Variants in HNF4A observed in about 807,000 individuals in gnomAD.
HNF4A encodes hepatocyte nuclear factor 4 alpha, also known as hepatocyte nuclear factor 4-alpha.
A neutral mutation model predicts 52.4 loss-of-function variants in HNF4A; 15 were observed. That is an observed-to-expected ratio of 0.29 (90% CI 0.19 to 0.44). The LOEUF is 0.44. Among genes scored for constraint, HNF4A ranks in the 20% least tolerant of loss-of-function variants. HNF4A has a pLI of 1.00. For missense variants in HNF4A, 479 were observed against 647.2 expected (o/e 0.74, Z 2.82); for synonymous variants, 280 against 264.4 (o/e 1.06, Z -0.57).
At chr20:44,414,693 TG>T in intron 5 of HNF4A, 31 bp downstream of exon 5, 1 of 1,577,028 alleles carries the variant, frequency 6.3e-7, no homozygotes, top group Non-Finnish European at 8.6e-7. Context: ...TGGGCAGTAG[TG>T]GGCAGTGGGC....
intron 7 of HNF4A, among the ~76,000 whole-genome samples, 157 bp from the exon 8 acceptor site, chr20:44,423,861 T>C (rs2063780627): frequency 6.6e-6 from 1 of 152,220 alleles, no homozygotes; most frequent in African/African-American, 2.4e-5. Context: ...TCATAATTCA[T>C]GCTGGCGTAC....
chr20:44,398,335 G>A (rs1000341566), upstream of HNF4A, among the ~76,000 whole-genome samples: 2 of 152,338 alleles, frequency 1.3e-5, no homozygotes, highest in South Asian at 2.1e-4. Context: ...GCAAGGACAC[G>A]TCTCCAGTTA....
At chr20:44,415,705 G>A (rs941286641) in intron 5 of HNF4A, among the ~76,000 whole-genome samples, 1 of 152,174 alleles carries the variant, frequency 6.6e-6, no homozygotes, top group Admixed American at 6.5e-5. Context: ...CAGAGGCCGA[G>A]GCTTCTCAAA....
chr20:44,428,321 T>G lies in HNF4A; in HGVS notation c.1130-14T>G, dbSNP rs762983514. 1 of 1,613,760 alleles carries G rather than the reference T, an allele frequency of 6.2e-7. No homozygotes were observed. Among genetic ancestry groups the G allele is most frequent in the South Asian group, 1.1e-5 (1 of 91,066 alleles). On this transcript the variant is annotated splice_polypyrimidine_tract_variant and intron_variant, in intron 8 of 9. Coordinates refer to ENST00000316099, the MANE Select transcript of HNF4A (RefSeq NM_000457.6). ...CCCAGACTCTCCATCCTGATCGACCTTCTCTACCTGCAGGGTCCCCCAGCG... is the reference window on the plus strand; with the variant it reads ...CCCAGACTCTCCATCCTGATCGACCGTCTCTACCTGCAGGGTCCCCCAGCG...
chr20:44,401,556 T>C, intron 1 of HNF4A: 3 of 1,583,600 alleles, frequency 1.9e-6, no homozygotes, highest in Non-Finnish European at 2.6e-6. Flanking sequence ...GAGCAGATCT[T>C]TGGCACTCAA....
intron 1 of HNF4A, among the ~76,000 whole-genome samples, chr20:44,384,159 C>CTTT (rs371586705): frequency 3.2e-5 from 4 of 125,558 alleles, no homozygotes; most frequent in Admixed American, 9.1e-5. Context: ...CCCCTGGCTC[C>CTTT]TTTTTTTTTT....
At chr20:44,383,084 A>T (rs1208532641) in intron 1 of HNF4A, among the ~76,000 whole-genome samples, 1 of 152,132 alleles carries the variant, frequency 6.6e-6, no homozygotes, top group East Asian at 1.9e-4. Context: ...TAGGAGGATC[A>T]TCTGAGCCTG....
chr20:44,378,995 C>T (rs1462657593), intron 1 of HNF4A, among the ~76,000 whole-genome samples: 3 of 151,752 alleles, frequency 2.0e-5, no homozygotes, highest in African/African-American at 7.3e-5. Flanking sequence ...ACCCCTTCTA[C>T]TTTCTGTCTC....
intron 1 of HNF4A, among the ~76,000 whole-genome samples, chr20:44,375,595 C>G (rs972312090): frequency 6.6e-6 from 1 of 151,682 alleles, no homozygotes; most frequent in Non-Finnish European, 1.5e-5. Flanking sequence ...CAAAGTCATA[C>G]AGTAAGTTAG....
chr20:44,385,354 G>C (rs907705540), intron 1 of HNF4A, among the ~76,000 whole-genome samples: 1 of 151,886 alleles, frequency 6.6e-6, no homozygotes, highest in African/African-American at 2.4e-5. Context: ...GTGCTCCATG[G>C]CTCCTGCCTT....
intron 3 of HNF4A, among the ~76,000 whole-genome samples, chr20:44,410,880 G>T (rs2063571726): frequency 6.6e-6 from 1 of 151,994 alleles, no homozygotes; most frequent in Non-Finnish European, 1.5e-5. Context: ...TGATCTAGAT[G>T]GCTGAAACTT....
chr20:44,406,134 G>C lies in HNF4A; in HGVS notation c.192G>C (p.Gly64=), dbSNP rs781364773. The change falls in exon 2 of 10, where the codon GGG becomes GGC. Residue 64 remains glycine (G), a synonymous_variant. Coordinates refer to ENST00000316099, the MANE Select transcript of HNF4A (RefSeq NM_000457.6). ...TCAGCGCCCTGTGTGCCATCTGCGG[G>C]GACCGGGCCACGGGCAAACACTACG... The C allele has an allele frequency of 1.9e-5, 31 of 1,613,748 alleles. No homozygotes were observed. Among genetic ancestry groups the C allele is most frequent in the Non-Finnish European group, 2.4e-5 (28 of 1,180,048 alleles).
At chr20:44,434,411 G>C (rs1388700059), downstream of HNF4A, 2 of 150,150 alleles carry the variant, frequency 1.3e-5, no homozygotes, top group Admixed American at 6.7e-5. Context: ...CCCTAGGGCC[G>C]CTCCCGCCTT....
intron 1 of HNF4A, among the ~76,000 whole-genome samples, chr20:44,404,494 ATGTG>A (rs1294075114): frequency 6.6e-6 from 1 of 150,780 alleles, no homozygotes; most frequent in African/African-American, 2.4e-5. Flanking sequence ...GTGTCTGTGT[ATGTG>A]TGTATGTTTG....
intron 1 of HNF4A, 96 bp from the exon 2 acceptor site, chr20:44,405,962 C>A: frequency 8.2e-7 from 1 of 1,223,636 alleles, no homozygotes. Context: ...CCAGATCTGG[C>A]TGAGGCCGAA....
chr20:44,405,044 T>TTGTGTGTGGACTGTGTGGGTGCG (rs2063478202), intron 1 of HNF4A, among the ~76,000 whole-genome samples: 1 of 47,050 alleles, frequency 2.1e-5, no homozygotes, highest in Admixed American at 2.1e-4. Context: ...GTGTGTGTGC[T>TTGTGTGTGGACTGTGTGGGTGCG]TGTGTGTGGA....
At chr20:44,355,964 C>T in intron 1 of HNF4A, 111 bp downstream of exon 1, 1 of 934,462 alleles carries the variant, frequency 1.1e-6, no homozygotes, top group South Asian at 1.7e-5. Flanking sequence ...TCCTGGAGCT[C>T]CTCTGGAAGG....
At chr20:44,383,134 C>T (rs963670437) in intron 1 of HNF4A, among the ~76,000 whole-genome samples, 6 of 152,172 alleles carry the variant, frequency 3.9e-5, no homozygotes, top group Non-Finnish European at 4.4e-5. Flanking sequence ...GGCGCCACTG[C>T]ACTCCAGCCT....
chr20:44,378,920 A>G (rs1396845558), intron 1 of HNF4A, among the ~76,000 whole-genome samples: 8 of 9,572 alleles, frequency 8.4e-4, no homozygotes, highest in Non-Finnish European at 1.2e-3. Flanking sequence ...CCCCGTCTCA[A>G]AAAAAAAAAA....
Sources: gnomAD v4.1 joint callset for allele counts (sites outside exome capture counted in the v4.1 genomes callset) on GRCh38, gnomAD v4.1.1 for gene constraint, MANE v1.5 for transcripts, NCBI Gene and HGNC (gene_info 2026-07-23, HGNC 2026-07-21) for gene names.